Variants in RBFOX1 observed in about 807,000 individuals in gnomAD.
RBFOX1 encodes the protein RNA binding fox-1 homolog 1.
A neutral mutation model predicts 57.7 loss-of-function variants in RBFOX1; 8 were observed. The observed-to-expected ratio is 0.14, with a 90% confidence interval of 0.08 to 0.25. The LOEUF is 0.25. RBFOX1 is among the 10% of genes least tolerant of loss of function. The probability of loss-of-function intolerance (pLI) is 1.00; values close to 1 mark genes in which losing one functional copy is unlikely to be tolerated. For missense variants in RBFOX1, 611 were observed against 548.5 expected (o/e 1.11, Z -1.14); for synonymous variants, 326 against 222.4 (o/e 1.47, Z -4.15).
intron 5 of RBFOX1, among the ~76,000 whole-genome samples, chr16:7,550,366 C>G (rs1275904785): frequency 6.6e-6 from 1 of 151,836 alleles, no homozygotes; most frequent in African/African-American, 2.4e-5. Context: ...TGCTCTGGGG[C>G]TATAGAGGCA....
intron 2 of RBFOX1, among the ~76,000 whole-genome samples, chr16:5,553,446 G>A (rs1194847574): frequency 6.6e-6 from 1 of 151,784 alleles, no homozygotes; most frequent in African/African-American, 2.4e-5. Flanking sequence ...CTCCCGAGTA[G>A]CTGGGACTAC....
intron 3 of RBFOX1, among the ~76,000 whole-genome samples, chr16:6,888,176 T>G (rs372422816): frequency 6.6e-6 from 1 of 152,298 alleles, no homozygotes; most frequent in South Asian, 2.1e-4. Flanking sequence ...TGTGACATTT[T>G]GAACATTTTA....
At position 6,033,716 on chromosome 16, in the gene RBFOX1, T is replaced by C. The variant is rs142646332; in HGVS notation, c.-127+13724T>C. Among the ~76,000 whole-genome samples, 236 of 152,368 alleles carry C rather than the reference T, an allele frequency of 1.5e-3. 1 individual carries two copies. The highest frequency in any genetic ancestry group is 5.5e-3 in the African/African-American group (228 of 41,592). On this transcript the variant is annotated intron_variant, in intron 1 of 15. Coordinates refer to ENST00000550418, the MANE Select transcript of RBFOX1 (RefSeq NM_018723.4). ...CCTTTTGATGGATATTTATGTTGTT[T>C]CCATTTTTGAAGCGCTACATGGAAT...
chr16:5,943,555 G>A (rs1197339138), intron 4 of RBFOX1, among the ~76,000 whole-genome samples: 1 of 152,170 alleles, frequency 6.6e-6, no homozygotes, highest in Non-Finnish European at 1.5e-5. Context: ...ACACAGCACT[G>A]GGAGACCCTA....
intron 4 of RBFOX1, among the ~76,000 whole-genome samples, chr16:7,486,778 C>T (rs934440015): frequency 1.6e-4 from 25 of 152,192 alleles, no homozygotes; most frequent in Non-Finnish European, 5.9e-5. Flanking sequence ...TACTAGGAGA[C>T]AAGCTATGCA....
intron 3 of RBFOX1, among the ~76,000 whole-genome samples, chr16:5,739,719 G>T (rs2052708205): frequency 6.6e-6 from 1 of 152,200 alleles, no homozygotes; most frequent in South Asian, 2.1e-4. Context: ...GGCCCTTGGG[G>T]CTGGGACAGG....
chr16:6,526,849 AAAAAAAAAAAC>A (rs1313011178), intron 2 of RBFOX1, among the ~76,000 whole-genome samples: 3,004 of 146,514 alleles, frequency 0.021, 166 homozygotes, highest in African/African-American at 0.076. Context: ...AAAAAAAAAA[AAAAAAAAAAAC>A]AACCAGAAAA....
chr16:7,650,369 G>A (rs180839696), intron 11 of RBFOX1, among the ~76,000 whole-genome samples: 262 of 147,920 alleles, frequency 1.8e-3, no homozygotes, highest in African/African-American at 6.3e-3. Flanking sequence ...CACTATTTAA[G>A]CCAGGAATTG....
At chr16:7,577,520 T>C (rs1281261891) in intron 5 of RBFOX1, among the ~76,000 whole-genome samples, 1 of 152,236 alleles carries the variant, frequency 6.6e-6, no homozygotes, top group African/African-American at 2.4e-5. Flanking sequence ...ACCTCCAGAA[T>C]TGGCAAGCCT....
At chr16:6,638,970 C>A (rs2154070604) in intron 2 of RBFOX1, among the ~76,000 whole-genome samples, 1 of 152,218 alleles carries the variant, frequency 6.6e-6, no homozygotes, top group Middle Eastern at 3.4e-3. Flanking sequence ...TCCCAAGAAA[C>A]TGTGGTTGAC....
At chr16:7,063,469 T>G (rs576611971) in intron 4 of RBFOX1, among the ~76,000 whole-genome samples, 1 of 152,278 alleles carries the variant, frequency 6.6e-6, no homozygotes, top group East Asian at 1.9e-4. Flanking sequence ...TTATAACAAG[T>G]GCCATTTCCT....
chr16:6,580,245 C>T (rs1054989538), intron 2 of RBFOX1, among the ~76,000 whole-genome samples: 2 of 152,328 alleles, frequency 1.3e-5, no homozygotes, highest in Middle Eastern at 3.4e-3. Context: ...GCATGAGCCA[C>T]CATGCCCGGC....
Position 6,530,470 on chromosome 16 carries a change from C to G in RBFOX1, c.-63-124133C>G, listed in dbSNP as rs373771229. The stretch of plus-strand genomic sequence containing the variant: ...GTCTGGTTTCTTTGTTGTAAATATT[C>G]AAATTCTTTCTTTCTCACGATGCAT... On this transcript the variant is annotated intron_variant, in intron 2 of 15. Coordinates refer to ENST00000550418, the MANE Select transcript of RBFOX1 (RefSeq NM_018723.4). Among the ~76,000 whole-genome samples, 47 of 152,260 alleles carry G rather than the reference C, an allele frequency of 3.1e-4. No individual in the cohort carries two copies. In the South Asian group the frequency reaches 9.7e-3, roughly 32 times the overall value.
intron 3 of RBFOX1, among the ~76,000 whole-genome samples, chr16:5,822,853 C>T (rs2055905038): frequency 1.3e-5 from 2 of 152,158 alleles, no homozygotes; most frequent in South Asian, 4.1e-4. Context: ...TCTTTGGGAC[C>T]TTGAGTGTGT....
At chr16:7,340,288 T>G (rs531486986) in intron 4 of RBFOX1, among the ~76,000 whole-genome samples, 9 of 152,362 alleles carry the variant, frequency 5.9e-5, no homozygotes, top group African/African-American at 1.9e-4. Context: ...CCCATAACTT[T>G]GCACACACCA....
intron 2 of RBFOX1, among the ~76,000 whole-genome samples, chr16:6,506,156 A>G (rs1245799921): frequency 6.6e-6 from 1 of 152,206 alleles, no homozygotes; most frequent in Non-Finnish European, 1.5e-5. Context: ...CAGTTAATTT[A>G]GAAGCGAAGA....
At chr16:7,448,082 T>A (rs1245014428) in intron 4 of RBFOX1, among the ~76,000 whole-genome samples, 1 of 152,240 alleles carries the variant, frequency 6.6e-6, no homozygotes, top group Non-Finnish European at 1.5e-5. Flanking sequence ...CACTGAAAGC[T>A]ACTCTTAAGA....
At chr16:6,387,881 G>T (rs983575179) in intron 2 of RBFOX1, among the ~76,000 whole-genome samples, 1 of 151,776 alleles carries the variant, frequency 6.6e-6, no homozygotes, top group Non-Finnish European at 1.5e-5. Context: ...GCTTCCACCT[G>T]GCTCTGAGAA....
At chr16:7,396,567 C>A (rs548750769) in intron 4 of RBFOX1, among the ~76,000 whole-genome samples, 2 of 152,278 alleles carry the variant, frequency 1.3e-5, no homozygotes, top group South Asian at 4.1e-4. Flanking sequence ...AGTTCTCATT[C>A]TGGACTTAAC....
Sources: allele counts gnomAD v4.1 joint callset (sites outside exome capture counted in the v4.1 genomes callset), GRCh38; gene constraint gnomAD v4.1.1; transcripts MANE v1.5; gene names NCBI Gene and HGNC (gene_info 2026-07-23, HGNC 2026-07-21).